The following ADGRA3 variants were observed in gnomAD, a reference collection of about 807,000 sequenced individuals.
ADGRA3 encodes the protein adhesion G protein-coupled receptor A3, also known as G-protein coupled receptor 125.
A neutral mutation model predicts 119.8 loss-of-function variants in ADGRA3; 56 were observed. The observed-to-expected ratio is 0.47, with a 90% CI of 0.38 to 0.58. ADGRA3 has a LOEUF of 0.58. ADGRA3 is among the 20% of genes least tolerant of loss of function. ADGRA3 has a pLI of 0.00. For synonymous variants in ADGRA3, 607 were observed against 623.8 expected (o/e 0.97, Z 0.40); for missense variants, 1,516 against 1,649.0 (o/e 0.92, Z 1.40).
At chr4:22,473,940 A>G (rs1357862141) in intron 1 of ADGRA3, 97 bp from the exon 2 acceptor site, 2 of 668,842 alleles carry the variant, frequency 3.0e-6, no homozygotes, top group Non-Finnish European at 4.8e-6. Context: ...AAATTCTAAG[A>G]CATCATTTAT....
chr4:22,402,569 T>G, intron 15 of ADGRA3, 106 bp downstream of exon 15: 1 of 1,138,270 alleles, frequency 8.8e-7, no homozygotes, highest in Non-Finnish European at 1.3e-6. Context: ...ATCCTTACTT[T>G]GGAAATACAG....
At chr4:22,498,844 G>C (rs1359841253) in intron 1 of ADGRA3, among the ~76,000 whole-genome samples, 4 of 151,976 alleles carry the variant, frequency 2.6e-5, no homozygotes, top group African/African-American at 9.7e-5. Flanking sequence ...AACCCGGCAG[G>C]TAGAGGTTTC....
At chr4:22,392,423 C>T in intron 17 of ADGRA3, 122 bp downstream of exon 17, 1 of 1,116,712 alleles carries the variant, frequency 9.0e-7, no homozygotes, top group Non-Finnish European at 1.3e-6. Context: ...CAAAACCAGG[C>T]AGTCCTGCAT....
In ADGRA3 at chr4:22,515,585, C is replaced by T; in HGVS notation, c.200G>A (p.Ser67Asn). The change falls in exon 1 of 19, where the codon AGC becomes AAC. Residue 67 changes from serine to asparagine, a missense_variant. By Grantham distance (46) the Ser-to-Asn change is conservative. Transcript: ENST00000334304. The part of the protein sequence containing the change: ...GAAEGKVVCS[S>N]LELAQVLPPD... The stretch of plus-strand genomic sequence containing the variant: ...GGGCAGGACCTGCGCGAGTTCCAGG[C>T]TGCTGCACACCACCTTGCCCTCGGC... 2.5e-6 allele frequency: 4 copies of T among 1,598,192 alleles called. No homozygotes were observed. The highest frequency in any genetic ancestry group is 3.4e-6 in the Non-Finnish European group (4 of 1,172,702).
Position 22,388,735 on chromosome 4 carries a change from G to A in ADGRA3, c.2936C>T (p.Ser979Phe), listed in dbSNP as rs558086324. 2 of 1,614,042 alleles carry A rather than the reference G, an allele frequency of 1.2e-6. No homozygotes were observed. Among genetic ancestry groups the A allele is most frequent in the South Asian group, 2.2e-5 (2 of 91,080 alleles). The change falls in exon 19 of 19, where the codon TCT (serine) becomes TTT (phenylalanine). Residue 979 changes from serine (S) to phenylalanine (F), a missense_variant. By Grantham distance (155) the Ser-to-Phe change is radical. Coordinates refer to ENST00000334304, the MANE Select transcript of ADGRA3 (RefSeq NM_145290.4). Reference sequence around the variant, plus strand: ...TTCCAAGGCTGATGTAGAAATCAGAGACAAAGACATTGAATCCTGATGATT... The same window carrying A: ...TTCCAAGGCTGATGTAGAAATCAGAAACAAAGACATTGAATCCTGATGATT... ...EINHQDSMSL[S>F]LISTSALENE... is the part of the protein sequence containing the mutation.
intron 14 of ADGRA3, among the ~76,000 whole-genome samples, chr4:22,408,410 T>A (rs1715045892): frequency 6.6e-6 from 1 of 152,068 alleles, no homozygotes; most frequent in African/African-American, 2.4e-5. Flanking sequence ...AGGGAGCTCA[T>A]ATTCAGTACC....
At position 22,390,320 on chromosome 4, in the gene ADGRA3, T is replaced by TTATATATATA. The variant is rs34566272; in HGVS notation, c.2628-1147_2628-1138dup. Among the ~76,000 whole-genome samples, 28 of 106,266 alleles carry TTATATATATA rather than the reference T, an allele frequency of 2.6e-4. 4 individuals are homozygous for TTATATATATA. Among genetic ancestry groups the TTATATATATA allele is most frequent in the African/African-American group, 1.1e-3 (24 of 20,920 alleles). 69.7% of individuals were successfully genotyped at this position (106,266 alleles called of 152,430 possible). On this transcript the variant is annotated intron_variant, in intron 17 of 18. Transcript: ENST00000334304. ...TATTTCTAGCATGCTTCTCTACTGC[T>TTATATATATA]TATATATATATATATATAAAATACA...
chr4:22,515,541 G>C lies in ADGRA3; in HGVS notation c.244C>G (p.Arg82Gly). Reference sequence around the variant, plus strand: ...GGAGATACTCACAGGGTGACCGTGCGGTTGGGCAGAGTATCTGGGGGCAGG... The same window carrying C: ...GGAGATACTCACAGGGTGACCGTGCCGTTGGGCAGAGTATCTGGGGGCAGG... Reference protein sequence around the residue: ...QVLPPDTLPNRTVTLILSNNK... With the variant: ...QVLPPDTLPNGTVTLILSNNK... The change falls in exon 1 of 19, where the codon CGC (arginine) becomes GGC (glycine). Residue 82 changes from arginine (R) to glycine (G), a missense_variant. Coordinates refer to ENST00000334304, the MANE Select transcript of ADGRA3 (RefSeq NM_145290.4). The C allele has an allele frequency of 1.3e-6, 2 of 1,596,926 alleles. No individual in the cohort carries two copies. The highest frequency in any genetic ancestry group is 2.2e-5 in the South Asian group (2 of 90,524).
chr4:22,462,810 T>C (rs1316187300), intron 2 of ADGRA3, among the ~76,000 whole-genome samples: 1 of 152,198 alleles, frequency 6.6e-6, no homozygotes, highest in Non-Finnish European at 1.5e-5. Context: ...CAGCAGTGAA[T>C]GTCTCAGCCA....
chr4:22,407,765 A>G (rs980267909), intron 14 of ADGRA3, among the ~76,000 whole-genome samples: 4 of 152,224 alleles, frequency 2.6e-5, no homozygotes, highest in African/African-American at 9.6e-5. Flanking sequence ...AAGTTTTTAG[A>G]ACTGTTTACT....
At chr4:22,464,706 A>G (rs1299965601) in intron 2 of ADGRA3, among the ~76,000 whole-genome samples, 1 of 152,168 alleles carries the variant, frequency 6.6e-6, no homozygotes, top group Non-Finnish European at 1.5e-5. Context: ...GTCAGAGGTA[A>G]AGGGCATGAA....
chr4:22,469,738 C>G lies in ADGRA3; in HGVS notation c.329+4034G>C, dbSNP rs567611311. Among the ~76,000 whole-genome samples the G allele has an allele frequency of 2.1e-4, 32 of 152,292 alleles. 1 individual carries two copies. Among genetic ancestry groups the G allele is most frequent in the Non-Finnish European group, 7.3e-5 (5 of 68,030 alleles). The stretch of plus-strand genomic sequence containing the variant: ...CCATGGTCTAGTCTAGGGCACTGGT[C>G]TCTAAACAGAGTATGAGCTTTAAAT... On this transcript the variant is annotated intron_variant, in intron 2 of 18. Transcript: ENST00000334304.
Position 22,388,451 on chromosome 4 carries a change from C to G in ADGRA3, c.3220G>C (p.Val1074Leu), listed in dbSNP as rs753989394. Residue 1074 changes from valine to leucine, a missense_variant, in exon 19 of 19, where the codon GTC becomes CTC. Physicochemically the swap from Val to Leu is conservative, Grantham distance 32 (BLOSUM62 1). Around this residue, in one of 2 missense-constraint regions of ADGRA3, gnomAD observed 1,088 missense variants for 1,107.1 expected, o/e 0.98. Transcript: ENST00000334304. ...GTCCCATTAGAGTTGGGGGGCTGGACGTTGACTTGCACTGAATACGAGCTC... is the reference window on the plus strand; with the variant it reads ...GTCCCATTAGAGTTGGGGGGCTGGAGGTTGACTTGCACTGAATACGAGCTC... The part of the protein sequence containing the change: ...GRSSYSVQVN[V>L]QPPNSNGTNG... 8 of 1,613,904 alleles carry G rather than the reference C, an allele frequency of 5.0e-6. No homozygotes were observed. The Admixed American group carries it at 8.3e-5, about 17-fold the overall frequency.
intron 14 of ADGRA3, among the ~76,000 whole-genome samples, chr4:22,403,291 C>A (rs1331196798): frequency 6.6e-6 from 1 of 152,068 alleles, no homozygotes; most frequent in Non-Finnish European, 1.5e-5. Context: ...CTGCATAGGG[C>A]ATTGGAGACA....
At chr4:22,470,320 T>A (rs199505227) in intron 2 of ADGRA3, among the ~76,000 whole-genome samples, 17 of 141,294 alleles carry the variant, frequency 1.2e-4, no homozygotes, top group South Asian at 2.3e-4. Flanking sequence ...GCTCCTAAAT[T>A]AAAAAAAAAA....
At chr4:22,466,286 G>C (rs944511961) in intron 2 of ADGRA3, among the ~76,000 whole-genome samples, 1 of 152,094 alleles carries the variant, frequency 6.6e-6, no homozygotes, top group Non-Finnish European at 1.5e-5. Context: ...TTTCTAGAAA[G>C]GGTATTTCCT....
chr4:22,477,670 A>G (rs1431542862), intron 1 of ADGRA3: 1 of 152,218 alleles, frequency 6.6e-6, no homozygotes, highest in Non-Finnish European at 1.5e-5. Context: ...TTCCTCAGTC[A>G]TAAAAGCTTT....
chr4:22,432,508 T>C (rs1716225326), intron 10 of ADGRA3, among the ~76,000 whole-genome samples: 1 of 152,178 alleles, frequency 6.6e-6, no homozygotes, highest in African/African-American at 2.4e-5. Context: ...GCCATATATT[T>C]GTAAAAATCT....
At chr4:22,515,285 C>G (rs1202348578) in intron 1 of ADGRA3, 1 of 349,222 alleles carries the variant, frequency 2.9e-6, no homozygotes, top group Non-Finnish European at 5.1e-6. Flanking sequence ...GCGGGGAGCG[C>G]CTGAGAACCC....
Sources: allele counts gnomAD v4.1 joint callset (sites outside exome capture counted in the v4.1 genomes callset), GRCh38; gene constraint gnomAD v4.1.1; regional missense constraint gnomAD v4.1.1; transcripts MANE v1.5; gene names NCBI Gene and HGNC (gene_info 2026-07-23, HGNC 2026-07-21).